Variants in BAHCC1 observed in about 807,000 individuals in gnomAD.
BAHCC1 encodes the protein BAH and coiled-coil domain-containing protein 1.
A neutral mutation model predicts 88.2 loss-of-function variants in BAHCC1; 43 were observed. The observed-to-expected ratio is 0.49, with a 90% confidence interval of 0.38 to 0.63. BAHCC1 has a LOEUF of 0.63. Ranked by LOEUF, BAHCC1 falls within the 20% of genes least tolerant of loss-of-function variation. BAHCC1 has a pLI of 0.00. For missense variants in BAHCC1, 3,023 were observed against 1,654.8 expected, an observed-to-expected ratio of 1.83 and a Z score of -14.34; for synonymous variants, 1,510 against 745.5, an observed-to-expected ratio of 2.03 and a Z score of -16.71.
Position 81,459,486 on chromosome 17 carries a change from G to T in BAHCC1, c.5797-10G>T. ...CACCTGCTCATGGGTCGTCGCCCGC[G>T]TTCCTGCAGGTTCTCGATGTGCGGC... On this transcript the variant is annotated splice_polypyrimidine_tract_variant and intron_variant, in intron 22 of 27. Transcript: ENST00000675386. 1.3e-6 allele frequency: 1 copy of T among 778,992 alleles called. No individual in the cohort carries two copies. The allele number at this position is 778,992 out of a possible 1,614,324, so 48.3% of individuals were successfully genotyped here.
At position 81,399,718 on chromosome 17, in the gene BAHCC1, C is replaced by CGGACCG. The variant is rs2063788790; in HGVS notation, c.-19_-14dup. ...CCGCGCTGCTCCGAGGAAGCGGCGG[C>CGGACCG]GGACCGGGGCCGGGGCCCGGCATGG... On this transcript the variant is annotated 5_prime_UTR_variant, in exon 2 of 28. Coordinates refer to ENST00000675386, the MANE Select transcript of BAHCC1 (RefSeq NM_001377448.1). The surrounding 1 kb of genome is among the most constrained non-coding windows in gnomAD (Gnocchi z 4.5). The CGGACCG allele has an allele frequency of 4.8e-6, 5 of 1,036,316 alleles. No homozygotes were observed. The highest frequency in any genetic ancestry group is 8.8e-5 in the South Asian group (2 of 22,668). 64.2% of individuals were successfully genotyped at this position (1,036,316 alleles called of 1,614,324 possible).
In BAHCC1 at chr17:81,463,489, G is replaced by T. The variant is rs1028480369; in HGVS notation, c.7621-122G>T. The T allele has an allele frequency of 1.2e-5, 8 of 671,132 alleles. No individual in the cohort carries two copies. The African/African-American group carries it at 1.4e-4, about 12-fold the overall frequency. 41.6% of individuals were successfully genotyped at this position (671,132 alleles called of 1,614,324 possible). ...GGCAGGTTCCTCGGCCCCGTCTTCC[G>T]GCCACACAGAAGTCCATCCGGTGAC... On this transcript the variant is annotated intron_variant, in intron 27 of 27. Transcript: ENST00000675386.
chr17:81,463,016 G>T (rs782428433), intron 27 of BAHCC1, 40 bp downstream of exon 27: 7 of 762,164 alleles, frequency 9.2e-6, no homozygotes, highest in Admixed American at 5.2e-5. Context: ...CCCCCTCGGG[G>T]CCCCAGGGAG....
chr17:81,399,911 C>A lies in BAHCC1; in HGVS notation c.172C>A (p.His58Asn). Residue 58 changes from histidine (H) to asparagine (N), a missense_variant, in exon 2 of 28, where the codon CAC (histidine) becomes AAC (asparagine). Physicochemically the swap from His to Asn is moderately conservative, Grantham distance 68. Transcript: ENST00000675386. This position sits in a 1 kb window ranked among gnomAD's most constrained non-coding sequence, Gnocchi z 4.5. Reference protein sequence around the residue: ...YFPSPLPMASHTASSRLMGSS... With the variant: ...YFPSPLPMASNTASSRLMGSS... ...CCCGTCGCCGTTGCCCATGGCTTCGCACACAGGTCAGTGCTCGGCCGGGGC... is the reference window on the plus strand; with the variant it reads ...CCCGTCGCCGTTGCCCATGGCTTCGAACACAGGTCAGTGCTCGGCCGGGGC... The A allele has an allele frequency of 6.9e-7, 1 of 1,442,514 alleles. No homozygotes were observed. 89.4% of individuals were successfully genotyped at this position (1,442,514 alleles called of 1,614,324 possible).
At chr17:81,410,474 T>C (rs2063935983) in intron 2 of BAHCC1, among the ~76,000 whole-genome samples, 1 of 152,230 alleles carries the variant, frequency 6.6e-6, no homozygotes, top group Non-Finnish European at 1.5e-5. Context: ...CCCCTACCTG[T>C]GCAGGGGCTT....
chr17:81,448,517 G>A (rs887563051), intron 11 of BAHCC1, among the ~76,000 whole-genome samples: 5 of 152,204 alleles, frequency 3.3e-5, no homozygotes, highest in South Asian at 2.1e-4. Context: ...GCTTCCTGCC[G>A]TCTTCCCTGT....
In BAHCC1 at chr17:81,443,211, A is replaced by G. The variant is rs375683588; in HGVS notation, c.1862A>G (p.Gln621Arg). ...SGLQQAALLP[Q>R]ELPAPPDEVS... ...CTGCAGCAGGCGGCTCTTCTGCCCCAGGAACTGCCTGCGCCGCCGGACGAG... is the reference window on the plus strand; with the variant it reads ...CTGCAGCAGGCGGCTCTTCTGCCCCGGGAACTGCCTGCGCCGCCGGACGAG... Residue 621 changes from glutamine to arginine, a missense_variant, in exon 5 of 28, where the codon CAG becomes CGG. By Grantham distance (43) the Gln-to-Arg change is conservative. Coordinates refer to ENST00000675386, the MANE Select transcript of BAHCC1 (RefSeq NM_001377448.1). 1.3e-6 allele frequency: 1 copy of G among 779,372 alleles called. No individual in the cohort carries two copies. 48.3% of individuals were successfully genotyped at this position (779,372 alleles called of 1,614,324 possible). A position where few individuals can be genotyped will look rare whatever the true frequency, so the allele number is the denominator to read the frequency against.
At chr17:81,397,936 TTA>T (rs1421766193) in intron 1 of BAHCC1, among the ~76,000 whole-genome samples, 4 of 152,258 alleles carry the variant, frequency 2.6e-5, no homozygotes, top group Non-Finnish European at 5.9e-5. Context: ...ACTTAATACA[TTA>T]TGTTTTCGGT....
At chr17:81,406,895 A>C (rs1001724473) in intron 2 of BAHCC1, 6 of 456,180 alleles carry the variant, frequency 1.3e-5, no homozygotes, top group Non-Finnish European at 2.6e-5. Context: ...GGCATGCTGC[A>C]GCTGTCCACA....
At chr17:81,415,692 G>A (rs372036215) in intron 2 of BAHCC1, 238 of 385,036 alleles carry the variant, frequency 6.2e-4, no homozygotes, top group African/African-American at 4.6e-3. Context: ...GGTGGGAGGT[G>A]GAGCTCTCCC....
rs371702711 is a variant in BAHCC1 at position 81,459,613 on chromosome 17, C to G, written c.5905+9C>G. Reference sequence around the variant, plus strand: ...GGGCAACGTGGTCCGGGGTAAGTTGCACCCAAAGCGGGGGCTGGGGCAGGC... The same window carrying G: ...GGGCAACGTGGTCCGGGGTAAGTTGGACCCAAAGCGGGGGCTGGGGCAGGC... On this transcript the variant is annotated intron_variant, in intron 23 of 27. Coordinates refer to ENST00000675386, the MANE Select transcript of BAHCC1 (RefSeq NM_001377448.1). The G allele has an allele frequency of 6.3e-5, 49 of 779,554 alleles. No homozygotes were observed. The highest frequency in any genetic ancestry group is 2.3e-4 in the Middle Eastern group (1 of 4,442). The allele number at this position is 779,554 out of a possible 1,614,324, so 48.3% of individuals were successfully genotyped here.
chr17:81,411,054 C>G lies in BAHCC1; in HGVS notation c.178+11137C>G. The G allele has an allele frequency of 1.9e-6, 1 of 518,872 alleles. No homozygotes were observed. The highest frequency in any genetic ancestry group is 1.4e-5 in the South Asian group (1 of 71,570). The allele number at this position is 518,872 out of a possible 1,614,324, so 32.1% of individuals were successfully genotyped here. On this transcript the variant is annotated intron_variant, in intron 2 of 27. Transcript: ENST00000675386. The surrounding 1 kb of genome is among the most constrained non-coding windows in gnomAD (Gnocchi z 6.2). ...GAAGGCCTGGGGCCCCCGTGCGCCT[C>G]CCCTCGGGCCTGAGGGGTCCCTCTC...
intron 2 of BAHCC1, chr17:81,401,105 T>C (rs1251409936): frequency 6.6e-6 from 1 of 152,218 alleles, no homozygotes. Context: ...TTACAATTAG[T>C]GTGTGGATTA....
chr17:81,456,718 A>C, intron 16 of BAHCC1, 133 bp downstream of exon 16: 1 of 583,944 alleles, frequency 1.7e-6, no homozygotes, highest in South Asian at 2.1e-5. Context: ...AGGTCCAAGG[A>C]GACGTTTTCA....
intron 3 of BAHCC1, among the ~76,000 whole-genome samples, chr17:81,427,733 C>A (rs1348985120): frequency 6.6e-6 from 1 of 152,182 alleles, no homozygotes; most frequent in Non-Finnish European, 1.5e-5. Context: ...CTCCCCCCGC[C>A]CCCCGCGGCT....
chr17:81,443,603 G>T, intron 5 of BAHCC1, 39 bp downstream of exon 5: 1 of 621,894 alleles, frequency 1.6e-6, no homozygotes, highest in Non-Finnish European at 2.9e-6. Context: ...GGCCGGGACA[G>T]TCTAGGGGGC....
chr17:81,406,176 A>AG (rs2063876527), intron 2 of BAHCC1, among the ~76,000 whole-genome samples: 1 of 152,198 alleles, frequency 6.6e-6, no homozygotes, highest in African/African-American at 2.4e-5. Context: ...TGTTCCCCTG[A>AG]GGAGGGAGGC....
At position 81,460,611 on chromosome 17, in the gene BAHCC1, G is replaced by C; in HGVS notation, c.6107G>C (p.Ser2036Thr). 1.3e-6 allele frequency: 1 copy of C among 770,914 alleles called. No homozygotes were observed. Among genetic ancestry groups the C allele is most frequent in the South Asian group, 1.4e-5 (1 of 73,232 alleles). 47.8% of individuals were successfully genotyped at this position (770,914 alleles called of 1,614,324 possible). Residue 2036 changes from serine (S) to threonine (T), a missense_variant, in exon 25 of 28, where the codon AGT becomes ACT. Transcript: ENST00000675386. ...KKVSSEAPPP[S>T]EAATPSLSPK... is the part of the protein sequence containing the mutation. The stretch of plus-strand genomic sequence containing the variant: ...GTATCCAGTGAGGCACCCCCGCCTA[G>C]TGAAGCCGCCACCCCCAGCCTGTCC...
chr17:81,406,497 C>T (rs1351400928), intron 2 of BAHCC1, among the ~76,000 whole-genome samples: 1 of 152,228 alleles, frequency 6.6e-6, no homozygotes, highest in Non-Finnish European at 1.5e-5. Flanking sequence ...AGCCAGCGTG[C>T]AGTGTCTGGA....
Sources: allele counts gnomAD v4.1 joint callset (sites outside exome capture counted in the v4.1 genomes callset), GRCh38; gene constraint gnomAD v4.1.1; non-coding constraint Gnocchi (gnomAD v3.1); transcripts MANE v1.5; gene names NCBI Gene and HGNC (gene_info 2026-07-23, HGNC 2026-07-21).